The following DOK6 variants were observed in gnomAD, a reference collection of about 807,000 sequenced individuals.
The protein encoded by DOK6 is docking protein 6.
In DOK6, 22 loss-of-function variants were observed where a neutral mutation model predicts 44.0. The observed-to-expected ratio is 0.50, with a 90% CI of 0.36 to 0.71. DOK6 has a LOEUF of 0.71. DOK6 is among the 30% of genes least tolerant of loss of function. The pLI, the probability that DOK6 is intolerant of heterozygous loss-of-function variation, is 0.00. For missense variants in DOK6, 340 were observed against 416.4 expected (o/e 0.82, Z 1.60); for synonymous variants, 166 against 145.5 (o/e 1.14, Z -1.01).
chr18:69,564,750 A>G (rs1982927811), intron 2 of DOK6, among the ~76,000 whole-genome samples, 156 bp downstream of exon 2: 2 of 152,196 alleles, frequency 1.3e-5, no homozygotes, highest in Non-Finnish European at 2.9e-5. Context: ...TTCTCCTTTA[A>G]TTATCTGTTG....
At chr18:69,568,252 C>T (rs1055906334) in intron 2 of DOK6, among the ~76,000 whole-genome samples, 1 of 152,200 alleles carries the variant, frequency 6.6e-6, no homozygotes, top group African/African-American at 2.4e-5. Context: ...GGCTCCAAGC[C>T]AGGTAATGAG....
intron 1 of DOK6, among the ~76,000 whole-genome samples, chr18:69,439,141 T>C (rs909978625): frequency 6.6e-6 from 1 of 150,782 alleles, no homozygotes; most frequent in Admixed American, 6.7e-5. Flanking sequence ...ATATTGTCAA[T>C]GATCTGTAAT....
At chr18:69,552,753 C>A (rs1041594086) in intron 1 of DOK6, among the ~76,000 whole-genome samples, 3 of 152,186 alleles carry the variant, frequency 2.0e-5, no homozygotes, top group Non-Finnish European at 2.9e-5. Flanking sequence ...TTGTTTGTTT[C>A]ATTCACTGCT....
intron 1 of DOK6, among the ~76,000 whole-genome samples, chr18:69,441,345 TTAGC>T (rs1979132214): frequency 6.6e-6 from 1 of 152,198 alleles, no homozygotes; most frequent in South Asian, 2.1e-4. Context: ...GTGTATATTT[TTAGC>T]TAGGCATTTT....
At chr18:69,588,947 T>C (rs1168758043) in intron 2 of DOK6, among the ~76,000 whole-genome samples, 4 of 152,158 alleles carry the variant, frequency 2.6e-5, no homozygotes, top group Non-Finnish European at 4.4e-5. Context: ...GGGAGAATTG[T>C]GTCAGAGCAC....
intron 5 of DOK6, among the ~76,000 whole-genome samples, chr18:69,709,266 G>T (rs556585886): frequency 1.3e-5 from 2 of 152,242 alleles, no homozygotes; most frequent in African/African-American, 4.8e-5. Flanking sequence ...GCTAGGAATG[G>T]AGTCCTGAAA....
At position 69,819,769 on chromosome 18, in the gene DOK6, G is replaced by A. The variant is rs149957228; in HGVS notation, c.857-21475G>A. On this transcript the variant is annotated intron_variant, in intron 7 of 7. Transcript: ENST00000382713. The stretch of plus-strand genomic sequence containing the variant: ...ATATAAGTGAAATGATGCTGTATTT[G>A]TCCTTCTGTGTCAGGTTTATTTCAC... 3.3e-5 allele frequency among the ~76,000 whole-genome samples: 5 copies of A among 152,156 alleles called. No homozygotes were observed. The East Asian group carries it at 9.6e-4, about 29-fold the overall frequency.
intron 3 of DOK6, among the ~76,000 whole-genome samples, chr18:69,650,053 A>G (rs1985182670): frequency 6.6e-6 from 1 of 152,096 alleles, no homozygotes; most frequent in Non-Finnish European, 1.5e-5. Flanking sequence ...CAAGGAAAGG[A>G]CAAGGCAAGA....
intron 1 of DOK6, among the ~76,000 whole-genome samples, chr18:69,512,972 G>T (rs1981414689): frequency 6.6e-6 from 1 of 152,106 alleles, no homozygotes; most frequent in African/African-American, 2.4e-5. Context: ...CACTGGAGAT[G>T]AATGTTAGCT....
chr18:69,775,665 AAG>A (rs754660429), intron 7 of DOK6, among the ~76,000 whole-genome samples: 13 of 151,838 alleles, frequency 8.6e-5, no homozygotes, highest in African/African-American at 2.9e-4. Flanking sequence ...ACTATAAAAT[AAG>A]AGAGAGAGAA....
chr18:69,753,164 C>A (rs1436227626), intron 6 of DOK6, among the ~76,000 whole-genome samples: 2 of 152,168 alleles, frequency 1.3e-5, no homozygotes, highest in South Asian at 4.1e-4. Context: ...GGATTGGAAT[C>A]TCTTTGATAT....
intron 3 of DOK6, among the ~76,000 whole-genome samples, chr18:69,670,113 T>C (rs1207694178): frequency 6.6e-6 from 1 of 152,224 alleles, no homozygotes; most frequent in African/African-American, 2.4e-5. Flanking sequence ...GTTATCAATT[T>C]GATTTTCCTT....
At chr18:69,458,812 C>G (rs1277258852) in intron 1 of DOK6, among the ~76,000 whole-genome samples, 1 of 152,158 alleles carries the variant, frequency 6.6e-6, no homozygotes, top group African/African-American at 2.4e-5. Context: ...GAAATACCGG[C>G]TGGGAGCTAT....
At chr18:69,663,281 G>C (rs1985574629) in intron 3 of DOK6, 1 of 152,140 alleles carries the variant, frequency 6.6e-6, no homozygotes, top group Non-Finnish European at 1.5e-5. Flanking sequence ...TCTAAAAAGG[G>C]ATTAGAAATC....
At chr18:69,738,726 T>C (rs1228730491) in intron 5 of DOK6, among the ~76,000 whole-genome samples, 1 of 152,246 alleles carries the variant, frequency 6.6e-6, no homozygotes, top group Non-Finnish European at 1.5e-5. Context: ...CTTTACACTG[T>C]TGTGAATGCT....
At chr18:69,829,924 C>T (rs1981854211) in intron 7 of DOK6, among the ~76,000 whole-genome samples, 1 of 152,036 alleles carries the variant, frequency 6.6e-6, no homozygotes, top group South Asian at 2.1e-4. Context: ...TAGTGCAATG[C>T]AATTTGACAG....
At chr18:69,647,337 C>T (rs1178309240) in intron 3 of DOK6, 2 of 152,086 alleles carry the variant, frequency 1.3e-5, no homozygotes, top group African/African-American at 4.8e-5. Flanking sequence ...GTTTCACTGG[C>T]TCTCTTGGTT....
chr18:69,487,185 G>A (rs1980603304), intron 1 of DOK6, among the ~76,000 whole-genome samples: 2 of 76,618 alleles, frequency 2.6e-5, no homozygotes, highest in South Asian at 8.7e-4. Context: ...ATATGTGTGT[G>A]TGTGTGTGTG....
At chr18:69,505,844 C>T (rs1981171988) in intron 1 of DOK6, among the ~76,000 whole-genome samples, 1 of 151,426 alleles carries the variant, frequency 6.6e-6, no homozygotes, top group Admixed American at 6.6e-5. Flanking sequence ...CAAAACAAAA[C>T]AAAATCCTAT....
Sources: gnomAD v4.1 joint callset for allele counts (sites outside exome capture counted in the v4.1 genomes callset) on GRCh38, gnomAD v4.1.1 for gene constraint, MANE v1.5 for transcripts, NCBI Gene and HGNC (gene_info 2026-07-23, HGNC 2026-07-21) for gene names.